Variants in PLXNC1 observed in about 807,000 individuals in gnomAD.
The protein encoded by PLXNC1 is plexin-C1.
In PLXNC1, 75 loss-of-function variants were observed where a neutral mutation model predicts 178.2. The observed-to-expected ratio is 0.42, with a 90% CI of 0.35 to 0.51. The LOEUF is 0.51. PLXNC1 is among the 20% of genes least tolerant of loss of function. The pLI is 0.02. For synonymous variants in PLXNC1, 790 were observed against 779.9 expected, an observed-to-expected ratio of 1.01 and a Z score of -0.22; for missense variants, 1,503 against 1,984.4, an observed-to-expected ratio of 0.76 and a Z score of 4.61.
Position 94,260,636 on chromosome 12 carries a change from C to A in PLXNC1, c.3252-6C>A. The A allele has an allele frequency of 6.2e-7, 1 of 1,608,870 alleles. No homozygotes were observed. Among genetic ancestry groups the A allele is most frequent in the South Asian group, 1.1e-5 (1 of 90,832 alleles). On this transcript the variant is annotated splice_polypyrimidine_tract_variant and splice_region_variant and intron_variant, in intron 19 of 30. Transcript: ENST00000258526. The surrounding 1 kb of genome is among the most constrained non-coding windows in gnomAD (Gnocchi z 4.4). Reference sequence around the variant, plus strand: ...CAATGGTTCACCCAGCTCTCTTTTTCAACAGGTGTCTGTTTGCCTCCTTCC... The same window carrying A: ...CAATGGTTCACCCAGCTCTCTTTTTAAACAGGTGTCTGTTTGCCTCCTTCC...
chr12:94,237,929 G>A (rs1964285890), intron 10 of PLXNC1, 126 bp downstream of exon 10: 1 of 829,468 alleles, frequency 1.2e-6, no homozygotes, highest in Non-Finnish European at 1.8e-6. Context: ...AGGCCAATTA[G>A]TCAGAGTATT....
intron 4 of PLXNC1, among the ~76,000 whole-genome samples, chr12:94,187,095 G>A (rs1962540563): frequency 6.6e-6 from 1 of 152,038 alleles, no homozygotes; most frequent in Non-Finnish European, 1.5e-5. Flanking sequence ...TGGATTCGCC[G>A]TCGCCATGGC....
intron 1 of PLXNC1, among the ~76,000 whole-genome samples, chr12:94,152,636 C>T (rs1961001643): frequency 6.6e-6 from 1 of 152,238 alleles, no homozygotes; most frequent in South Asian, 2.1e-4. Flanking sequence ...ATTCCAACAG[C>T]AATTCCTTTA....
chr12:94,187,298 A>G (rs1457011037), intron 4 of PLXNC1, among the ~76,000 whole-genome samples: 1 of 152,178 alleles, frequency 6.6e-6, no homozygotes, highest in African/African-American at 2.4e-5. Flanking sequence ...AGGCTGAACC[A>G]GGGGACAGTT....
At chr12:94,304,858 C>A (rs1362554731) in intron 30 of PLXNC1, among the ~76,000 whole-genome samples, 1 of 152,196 alleles carries the variant, frequency 6.6e-6, no homozygotes, top group Admixed American at 6.5e-5. Flanking sequence ...GAAATACTTG[C>A]CTGCATGTTG....
intron 1 of PLXNC1, among the ~76,000 whole-genome samples, chr12:94,153,688 T>C (rs1961046075): frequency 6.6e-6 from 1 of 152,222 alleles, no homozygotes. Flanking sequence ...TCCTGCAGTA[T>C]TGGTCCACAG....
chr12:94,177,252 T>C (rs890942420), intron 2 of PLXNC1, among the ~76,000 whole-genome samples: 14 of 133,998 alleles, frequency 1.0e-4, no homozygotes, highest in East Asian at 8.4e-4. Context: ...TATATATATA[T>C]GTATATATAT....
At chr12:94,277,665 T>C (rs1431841348) in intron 21 of PLXNC1, 1 of 318,674 alleles carries the variant, frequency 3.1e-6, no homozygotes, top group Non-Finnish European at 6.1e-6. Flanking sequence ...GCCTCCTCCT[T>C]ATTCAGAGAT....
chr12:94,303,642 C>A, intron 28 of PLXNC1, 114 bp from the exon 29 acceptor site: 1 of 869,628 alleles, frequency 1.1e-6, no homozygotes, highest in Non-Finnish European at 1.7e-6. Flanking sequence ...AGAGGTAAAA[C>A]TGGTTGGTGG....
intron 12 of PLXNC1, among the ~76,000 whole-genome samples, chr12:94,244,747 G>A (rs568812850): frequency 1.3e-5 from 2 of 152,168 alleles, no homozygotes; most frequent in Non-Finnish European, 2.9e-5. Flanking sequence ...CATAATTTCC[G>A]TGATATCCAC....
At position 94,149,669 on chromosome 12, in the gene PLXNC1, A is replaced by G. The variant is rs1424089740; in HGVS notation, c.698A>G (p.His233Arg). Residue 233 changes from histidine to arginine, a missense_variant, in exon 1 of 31, where the codon CAC becomes CGC. By Grantham distance (29) the His-to-Arg change is conservative (BLOSUM62 0). Coordinates refer to ENST00000258526, the MANE Select transcript of PLXNC1 (RefSeq NM_005761.3). ...CTGTGCGAGGGCGCGGGCAGCCTGC[A>G]CTTCGTGGACGCCTTTCTCTGGAAC... ...LKLCEGAGSL[H>R]FVDAFLWNGS... 6.2e-7 allele frequency: 1 copy of G among 1,609,164 alleles called. No individual in the cohort carries two copies. The highest frequency in any genetic ancestry group is 1.1e-5 in the South Asian group (1 of 90,304).
chr12:94,190,907 G>A (rs959029290), intron 4 of PLXNC1, among the ~76,000 whole-genome samples: 14 of 152,086 alleles, frequency 9.2e-5, no homozygotes, highest in African/African-American at 2.9e-4. Context: ...TGACGGTCTG[G>A]TCCTAGAGCA....
chr12:94,299,158 C>T (rs754011013), intron 27 of PLXNC1, among the ~76,000 whole-genome samples: 2 of 152,148 alleles, frequency 1.3e-5, no homozygotes, highest in South Asian at 2.1e-4. Context: ...TGTTCCTAAT[C>T]GGTTACTTTG....
intron 1 of PLXNC1, among the ~76,000 whole-genome samples, chr12:94,154,465 C>A (rs1472515038): frequency 6.6e-6 from 1 of 152,214 alleles, no homozygotes; most frequent in East Asian, 1.9e-4. Flanking sequence ...CACATTAACT[C>A]ATGAATCCAG....
intron 6 of PLXNC1, among the ~76,000 whole-genome samples, chr12:94,223,978 T>C (rs1171210009): frequency 6.6e-6 from 1 of 152,122 alleles, no homozygotes; most frequent in Admixed American, 6.5e-5. Flanking sequence ...TCCTAGTGAT[T>C]ATTCATGGGA....
At chr12:94,274,191 A>T (rs1482377415) in intron 21 of PLXNC1, among the ~76,000 whole-genome samples, 3 of 134,660 alleles carry the variant, frequency 2.2e-5, no homozygotes, top group African/African-American at 8.1e-5. Context: ...AAAAAAATTT[A>T]GCCAAGCATG....
At chr12:94,264,238 TCA>T (rs1436150394) in intron 20 of PLXNC1, among the ~76,000 whole-genome samples, 5 of 152,124 alleles carry the variant, frequency 3.3e-5, no homozygotes, top group African/African-American at 1.2e-4. Context: ...CTTGAGGTGC[TCA>T]GAGTCCTTTG....
At chr12:94,179,088 G>T (rs1326206028) in intron 2 of PLXNC1, among the ~76,000 whole-genome samples, 1 of 152,212 alleles carries the variant, frequency 6.6e-6, no homozygotes, top group African/African-American at 2.4e-5. Flanking sequence ...CTAGACTCGG[G>T]CCCAGGTCCT....
At position 94,294,460 on chromosome 12, in the gene PLXNC1, CAT is replaced by C. The variant is rs765149669; in HGVS notation, c.3880-21_3880-20del. The C allele has an allele frequency of 2.8e-6, 3 of 1,074,070 alleles. No individual in the cohort carries two copies. In the African/African-American group the frequency reaches 4.7e-5, roughly 17 times the overall value. 66.5% of individuals were successfully genotyped at this position (1,074,070 alleles called of 1,614,324 possible). On this transcript the variant is annotated intron_variant, in intron 23 of 30. Transcript: ENST00000258526. ...AGAAATCCATTAAATTTTGAACACT[CAT>C]ATATCTTTTATCTTTGGTTTCAGAT...
Sources: gnomAD v4.1 joint callset for allele counts (sites outside exome capture counted in the v4.1 genomes callset) on GRCh38, gnomAD v4.1.1 for gene constraint, Gnocchi (gnomAD v3.1) non-coding constraint, MANE v1.5 for transcripts, NCBI Gene and HGNC (gene_info 2026-07-23, HGNC 2026-07-21) for gene names.